The following C17orf67 variants were observed in gnomAD, a reference collection of about 807,000 sequenced individuals.
C17orf67 encodes the protein chromosome 17 open reading frame 67, also known as uncharacterized protein C17orf67.
A neutral mutation model predicts 11.2 loss-of-function variants in C17orf67; 12 were observed. That is an observed-to-expected ratio of 1.07 (90% CI 0.68 to 1.73). The LOEUF (loss-of-function observed/expected upper bound fraction) is 1.73. C17orf67 is among the 40% of genes most tolerant of loss of function. The pLI, the probability that C17orf67 is intolerant of heterozygous loss-of-function variation, is 0.00. For synonymous variants in C17orf67, 59 were observed against 46.9 expected (o/e 1.26, Z -1.05); for missense variants, 115 against 113.5 (o/e 1.01, Z -0.06).
chr17:56,818,429 G>T (rs561981346), intron 4 of C17orf67, among the ~76,000 whole-genome samples: 21 of 152,110 alleles, frequency 1.4e-4, no homozygotes, highest in African/African-American at 5.1e-4. Flanking sequence ...GGATTCCAAG[G>T]TCAGAGGATC....
At chr17:56,825,039 C>T (rs1243533663) in intron 3 of C17orf67, 42 bp downstream of exon 3, 3 of 152,186 alleles carry the variant, frequency 2.0e-5, no homozygotes, top group African/African-American at 7.2e-5. Context: ...ATGTGTGACA[C>T]ATTTCAAAAT....
At chr17:56,811,925 G>A (rs946548432) in intron 6 of C17orf67, among the ~76,000 whole-genome samples, 15 of 152,232 alleles carry the variant, frequency 9.9e-5, no homozygotes, top group Non-Finnish European at 2.2e-4. Context: ...CTAGCCCAGT[G>A]GTTCTCAGCC....
chr17:56,830,288 T>C (rs1172146015), intron 2 of C17orf67, among the ~76,000 whole-genome samples: 2 of 150,630 alleles, frequency 1.3e-5, no homozygotes, highest in Non-Finnish European at 2.9e-5. Context: ...GAGCTTGCAG[T>C]GAGCCAAGAT....
chr17:56,815,659 C>T, intron 5 of C17orf67, 97 bp downstream of exon 5: 1 of 996,500 alleles, frequency 1.0e-6, no homozygotes, highest in Non-Finnish European at 1.3e-6. Context: ...TATCTATATA[C>T]ACTATATATT....
chr17:56,815,925 C>A lies in C17orf67; in HGVS notation c.-115G>T. ...TTTATGCTTTGACTAACGGGACTTA[C>A]GGTATGATGCTGAATGTATCTGACT... On this transcript the variant is annotated 5_prime_UTR_variant, in exon 5 of 8. Transcript: ENST00000397861. The A allele has an allele frequency of 6.4e-7, 1 of 1,566,344 alleles. No individual in the cohort carries two copies. The highest frequency in any genetic ancestry group is 8.7e-7 in the Non-Finnish European group (1 of 1,151,348).
At chr17:56,805,971 C>CTT (rs10684052) in intron 6 of C17orf67, among the ~76,000 whole-genome samples, 58,243 of 98,168 alleles carry the variant, frequency 0.59, 17,784 homozygotes, top group East Asian at 0.72. Context: ...GTTGATTTTC[C>CTT]TTTTTTTTTT....
chr17:56,824,756 CACATATCAATGATTT>C lies in C17orf67; in HGVS notation c.-233_-219del, dbSNP rs1170019221. The stretch of plus-strand genomic sequence containing the variant: ...CAACTTACCTCCTGCTGGGAACCTT[CACATATCAATGATTT>C]ACTGCTATTTCCCAAAAGGGCCAGC... On this transcript the variant is annotated 5_prime_UTR_variant, in exon 4 of 8. The change abolishes an upstream ATG in the 5' untranslated region. Coordinates refer to ENST00000397861, the MANE Select transcript of C17orf67 (RefSeq NM_001085430.4). 6.6e-6 allele frequency: 1 copy of C among 152,278 alleles called. No individual in the cohort carries two copies. Among genetic ancestry groups the C allele is most frequent in the Non-Finnish European group, 1.5e-5 (1 of 68,070 alleles). The allele number at this position is 152,278 out of a possible 1,614,324, so 9.4% of individuals were successfully genotyped here. A position where few individuals can be genotyped will look rare whatever the true frequency, so the allele number is the denominator to read the frequency against.
intron 6 of C17orf67, among the ~76,000 whole-genome samples, chr17:56,811,075 G>A (rs533963735): frequency 6.6e-6 from 1 of 152,270 alleles, no homozygotes; most frequent in South Asian, 2.1e-4. Context: ...AGAATAAACT[G>A]CCTGACTCCT....
chr17:56,812,344 T>A (rs1438932234), intron 6 of C17orf67, among the ~76,000 whole-genome samples: 3 of 152,190 alleles, frequency 2.0e-5, no homozygotes, highest in Non-Finnish European at 4.4e-5. Context: ...ACCCACTGGG[T>A]GCCAAAAGCA....
At chr17:56,798,323 G>A (rs1439751371) in intron 6 of C17orf67, among the ~76,000 whole-genome samples, 1 of 152,020 alleles carries the variant, frequency 6.6e-6, no homozygotes, top group Admixed American at 6.5e-5. Flanking sequence ...TTTCTTAATA[G>A]GCATTATTGT....
intron 6 of C17orf67, among the ~76,000 whole-genome samples, chr17:56,802,336 T>C (rs1217732699): frequency 2.0e-5 from 3 of 152,160 alleles, no homozygotes; most frequent in Non-Finnish European, 2.9e-5. Context: ...CAAGCATAAA[T>C]ACAATCTCAA....
chr17:56,796,833 C>T (rs892530900), intron 6 of C17orf67, among the ~76,000 whole-genome samples: 4 of 142,086 alleles, frequency 2.8e-5, no homozygotes, highest in East Asian at 2.1e-4. Flanking sequence ...CTCCCTCCCC[C>T]ATCCCTGCTC....
chr17:56,813,361 C>T (rs918908681), intron 6 of C17orf67, among the ~76,000 whole-genome samples: 1 of 152,042 alleles, frequency 6.6e-6, no homozygotes, highest in Admixed American at 6.6e-5. Context: ...GCTTCTCTAT[C>T]TCTCTGCATT....
chr17:56,813,093 C>T (rs2144132423), intron 6 of C17orf67, among the ~76,000 whole-genome samples: 1 of 152,278 alleles, frequency 6.6e-6, no homozygotes, highest in Middle Eastern at 3.4e-3. Flanking sequence ...GAGCAGGAGC[C>T]ACTGCTTTGA....
chr17:56,822,782 C>T (rs1406451152), intron 4 of C17orf67, among the ~76,000 whole-genome samples: 2 of 152,172 alleles, frequency 1.3e-5, no homozygotes, highest in African/African-American at 4.8e-5. Context: ...GTGTCAACAC[C>T]GCAGGCCCTG....
intron 2 of C17orf67, among the ~76,000 whole-genome samples, chr17:56,828,133 C>T (rs74929176): frequency 0.17 from 24,292 of 146,626 alleles, 2,305 homozygotes; most frequent in Middle Eastern, 0.26. Flanking sequence ...AAGCCAGGCA[C>T]GGCGGCTCAC....
chr17:56,810,684 C>T (rs1597993186), intron 6 of C17orf67, among the ~76,000 whole-genome samples: 1 of 152,204 alleles, frequency 6.6e-6, no homozygotes, highest in East Asian at 1.9e-4. Flanking sequence ...TCCCTCCTTC[C>T]CAGGCTATGA....
At chr17:56,800,881 G>A (rs980214612) in intron 6 of C17orf67, among the ~76,000 whole-genome samples, 1 of 151,806 alleles carries the variant, frequency 6.6e-6, no homozygotes, top group African/African-American at 2.4e-5. Context: ...CTCATATATT[G>A]GTATCAAAAT....
chr17:56,803,299 A>G (rs1352108864), intron 6 of C17orf67, among the ~76,000 whole-genome samples: 1 of 152,262 alleles, frequency 6.6e-6, no homozygotes, highest in Non-Finnish European at 1.5e-5. Flanking sequence ...AGTATTTATT[A>G]AATAGAACTT....
Sources: allele counts gnomAD v4.1 joint callset (sites outside exome capture counted in the v4.1 genomes callset), GRCh38; gene constraint gnomAD v4.1.1; transcripts MANE v1.5; gene names NCBI Gene and HGNC (gene_info 2026-07-23, HGNC 2026-07-21).